The following SMARCAD1 variants were observed in gnomAD, a reference collection of about 807,000 sequenced individuals.
SMARCAD1 encodes SWI/SNF-related matrix-associated actin-dependent regulator of chromatin subfamily A containing DEAD/H box 1.
A neutral mutation model predicts 127.1 loss-of-function variants in SMARCAD1; 25 were observed. The ratio of observed to expected loss-of-function variants is 0.20; its 90% CI spans 0.14 to 0.27. SMARCAD1 has a LOEUF of 0.27. Among genes scored for constraint, SMARCAD1 ranks in the 10% least tolerant of loss-of-function variants. The probability of loss-of-function intolerance (pLI) is 1.00; values close to 1 mark genes in which losing one functional copy is unlikely to be tolerated. For synonymous variants in SMARCAD1, 400 were observed against 396.9 expected (o/e 1.01, Z -0.09); for missense variants, 807 against 1,206.0 (o/e 0.67, Z 4.90).
At position 94,287,828 on chromosome 4, in the gene SMARCAD1, G is replaced by C. The variant is rs561044362; in HGVS notation, c.3020-1645G>C. Among the ~76,000 whole-genome samples, 27 of 151,422 alleles carry C rather than the reference G, an allele frequency of 1.8e-4. No homozygotes were observed. The South Asian group carries it at 5.6e-3, about 32-fold the overall frequency. On this transcript the variant is annotated intron_variant, in intron 23 of 23. Transcript: ENST00000354268. ...CCACAATCATGACTACATACTTTTT[G>C]AATTTTTTTATTACAGAAATAGTCA...
intron 11 of SMARCAD1, 41 bp downstream of exon 11, chr4:94,270,859 C>T (rs773245351): frequency 5.1e-6 from 8 of 1,560,712 alleles, no homozygotes; most frequent in Non-Finnish European, 2.6e-6. Flanking sequence ...TTGAAAGTGT[C>T]ATTAAAAGGT....
At chr4:94,230,723 T>C (rs142858455) in intron 3 of SMARCAD1, among the ~76,000 whole-genome samples, 2,745 of 152,226 alleles carry the variant, frequency 0.018, 31 homozygotes, top group Non-Finnish European at 0.03. Flanking sequence ...CACTGATGTG[T>C]ATGCTAGAAA....
chr4:94,246,594 T>A (rs886711848), intron 6 of SMARCAD1, among the ~76,000 whole-genome samples: 3 of 152,102 alleles, frequency 2.0e-5, no homozygotes, highest in Non-Finnish European at 2.9e-5. Context: ...CAGACTACAC[T>A]CCCACGAAAG....
At chr4:94,267,400 G>A (rs1215030186) in intron 10 of SMARCAD1, among the ~76,000 whole-genome samples, 1 of 152,158 alleles carries the variant, frequency 6.6e-6, no homozygotes, top group Non-Finnish European at 1.5e-5. Flanking sequence ...TGGTCGGACA[G>A]CATCCGTAAC....
At chr4:94,228,086 G>A (rs1444669184) in intron 3 of SMARCAD1, among the ~76,000 whole-genome samples, 1 of 152,156 alleles carries the variant, frequency 6.6e-6, no homozygotes, top group Non-Finnish European at 1.5e-5. Context: ...AGATCGGACT[G>A]TCTACTTCTG....
At chr4:94,284,824 TG>T (rs756379712) in intron 22 of SMARCAD1, 135 bp from the exon 23 acceptor site, 30 of 619,964 alleles carry the variant, frequency 4.8e-5, no homozygotes, top group Admixed American at 2.6e-4. Context: ...CAGTCTCAAG[TG>T]GCTTAAATAA....
upstream of SMARCAD1, chr4:94,207,639 T>G (rs2110499411): frequency 6.5e-6 from 1 of 153,344 alleles, no homozygotes; most frequent in Non-Finnish European, 1.5e-5. Context: ...TTCTCCGTGG[T>G]GTTTTGGAAG....
rs980211165 is a variant in SMARCAD1 at position 94,240,909 on chromosome 4, G to T, written c.608G>T (p.Gly203Val). The change falls in exon 6 of 24, where the codon GGT (glycine) becomes GTT (valine). Residue 203 changes from glycine (G) to valine (V), a missense_variant. Coordinates refer to ENST00000354268, the MANE Select transcript of SMARCAD1 (RefSeq NM_020159.5). ...AALLMFGDAG[G>V]GPRKRKLSSS... The stretch of plus-strand genomic sequence containing the variant: ...GTGTGCTGCTCTGCTTTAAAAGGTG[G>T]TGGGCCCAGGAAAAGAAAATTATCT... 2.5e-6 allele frequency: 4 copies of T among 1,612,306 alleles called. No individual in the cohort carries two copies. Among genetic ancestry groups the T allele is most frequent in the Non-Finnish European group, 3.4e-6 (4 of 1,178,870 alleles).
chr4:94,241,120 C>T, intron 6 of SMARCAD1, 114 bp downstream of exon 6: 1 of 724,458 alleles, frequency 1.4e-6, no homozygotes, highest in East Asian at 2.8e-5. Context: ...CTTTCTATCA[C>T]AACTAAGGGA....
intron 9 of SMARCAD1, chr4:94,253,806 C>CT (rs1749654523): frequency 1.5e-6 from 1 of 660,682 alleles, no homozygotes; most frequent in Non-Finnish European, 1.9e-6. Context: ...TATAAGAACT[C>CT]TTAAATTTTG....
intron 8 of SMARCAD1, 57 bp from the exon 9 acceptor site, chr4:94,252,559 C>A: frequency 1.6e-6 from 2 of 1,214,090 alleles, no homozygotes; most frequent in South Asian, 1.6e-5. Flanking sequence ...TATTTGAAGT[C>A]TATCTTTATA....
rs138549176 is a variant in SMARCAD1 at position 94,248,563 on chromosome 4, A to C, written c.706-1091A>C. On this transcript the variant is annotated intron_variant, in intron 6 of 23. Transcript: ENST00000354268. ...CAGATGGGTTTCACCAGTATGTCTT[A>C]TTATTCCCCTGCTCAAAATCCTGTT... is the stretch of plus-strand genomic sequence containing the variant. 894 of 455,842 alleles carry C rather than the reference A, an allele frequency of 2.0e-3. 4 individuals carry two copies. Among genetic ancestry groups the C allele is most frequent in the African/African-American group, 0.013 (668 of 50,168 alleles). 28.2% of individuals were successfully genotyped at this position (455,842 alleles called of 1,614,324 possible).
At chr4:94,281,212 A>G (rs915736807) in intron 20 of SMARCAD1, among the ~76,000 whole-genome samples, 2 of 152,246 alleles carry the variant, frequency 1.3e-5, no homozygotes, top group African/African-American at 2.4e-5. Flanking sequence ...ATGAAAAGGA[A>G]GTAATTTAAC....
intron 14 of SMARCAD1, among the ~76,000 whole-genome samples, chr4:94,275,799 T>TTATTTTTTTA (rs1203656441): frequency 7.0e-6 from 1 of 142,506 alleles, no homozygotes; most frequent in African/African-American, 2.6e-5. Context: ...ACATTTTCTT[T>TTATTTTTTTA]TTTTTTTTTT....
chr4:94,278,561 C>T (rs887637886), intron 17 of SMARCAD1, 44 bp downstream of exon 17: 3 of 1,609,534 alleles, frequency 1.9e-6, no homozygotes, highest in East Asian at 2.2e-5. Context: ...GTTTTTAAAA[C>T]TTAGGTTTTT....
In SMARCAD1 at chr4:94,208,046, G is replaced by A. The variant is rs1393588883; in HGVS notation, c.-74G>A. 2 of 470,054 alleles carry A rather than the reference G, an allele frequency of 4.3e-6. No individual in the cohort carries two copies. Among genetic ancestry groups the A allele is most frequent in the Non-Finnish European group, 4.2e-6 (1 of 238,452 alleles). 29.1% of individuals were successfully genotyped at this position (470,054 alleles called of 1,614,324 possible). On this transcript the variant is annotated 5_prime_UTR_variant, in exon 1 of 24. It introduces an in-frame stop codon into an upstream open reading frame of the 5' UTR. Coordinates refer to ENST00000354268, the MANE Select transcript of SMARCAD1 (RefSeq NM_020159.5). ...GCGAGGCCCGCTAGGGGGTTATACT[G>A]GGGAACGTGCCTGCGCGTGCTTGGG...
chr4:94,268,607 T>G (rs1752083228), intron 10 of SMARCAD1, among the ~76,000 whole-genome samples: 1 of 152,184 alleles, frequency 6.6e-6, no homozygotes, highest in Non-Finnish European at 1.5e-5. Flanking sequence ...TTTTCATTTC[T>G]ACTATTTACT....
chr4:94,237,083 A>G, intron 5 of SMARCAD1, 65 bp downstream of exon 5: 3 of 1,246,676 alleles, frequency 2.4e-6, no homozygotes, highest in Non-Finnish European at 3.5e-6. Flanking sequence ...GTACCTTCTC[A>G]TTAATATTGC....
At chr4:94,250,726 C>CA in intron 7 of SMARCAD1, 26 bp from the exon 8 acceptor site, 1 of 1,518,712 alleles carries the variant, frequency 6.6e-7, no homozygotes, top group Non-Finnish European at 8.9e-7. Context: ...AGATTTTTAA[C>CA]AAAAAGATAA....
Sources: allele counts gnomAD v4.1 joint callset (sites outside exome capture counted in the v4.1 genomes callset), GRCh38; gene constraint gnomAD v4.1.1; transcripts MANE v1.5; gene names NCBI Gene and HGNC (gene_info 2026-07-23, HGNC 2026-07-21).